Variants in ZHX2 observed in about 807,000 individuals in gnomAD.
The protein encoded by ZHX2 is zinc fingers and homeoboxes 2.
A neutral mutation model predicts 21.9 loss-of-function variants in ZHX2; 6 were observed. That is an observed-to-expected ratio of 0.27 (90% CI 0.15 to 0.54). The LOEUF (loss-of-function observed/expected upper bound fraction) is 0.54. ZHX2 is among the 20% of genes least tolerant of loss of function. The pLI, the probability that ZHX2 is intolerant of heterozygous loss-of-function variation, is 0.95. For synonymous variants in ZHX2, 434 were observed against 437.1 expected (o/e 0.99, Z 0.09); for missense variants, 908 against 1,090.7 (o/e 0.83, Z 2.36).
In ZHX2 at chr8:122,951,413, A is replaced by G; in HGVS notation, c.-98A>G. ...GGAAAGCCAAAGCCATTTGAGGGGG[A>G]ATAAAGCCAAAAGCCTTTCACCTTA... is the stretch of plus-strand genomic sequence containing the variant. On this transcript the variant is annotated 5_prime_UTR_variant, in exon 3 of 4. Coordinates refer to ENST00000314393, the MANE Select transcript of ZHX2 (RefSeq NM_014943.5). 9.2e-7 allele frequency: 1 copy of G among 1,088,538 alleles called. No homozygotes were observed. Among genetic ancestry groups the G allele is most frequent in the Non-Finnish European group, 1.3e-6 (1 of 771,084 alleles). 67.4% of individuals were successfully genotyped at this position (1,088,538 alleles called of 1,614,324 possible).
intron 2 of ZHX2, among the ~76,000 whole-genome samples, chr8:122,933,146 T>A (rs946012497): frequency 1.3e-5 from 2 of 152,190 alleles, no homozygotes; most frequent in Non-Finnish European, 2.9e-5. Flanking sequence ...TGAAAAGCCC[T>A]GTCTCGCCCT....
intron 2 of ZHX2, among the ~76,000 whole-genome samples, chr8:122,920,700 C>T (rs1820716227): frequency 1.3e-5 from 2 of 152,154 alleles, no homozygotes; most frequent in Admixed American, 6.5e-5. Context: ...GACTACCTGC[C>T]ACCCGGCAGG....
At position 122,974,282 on chromosome 8, in the gene ZHX2, G is replaced by C. The variant is rs117127698; in HGVS notation, c.*1045G>C. ...TTTTGGGACAATTTTAGATACCTGA[G>C]TGCACTTTTTCAGTTAGTCCTAACT... On this transcript the variant is annotated 3_prime_UTR_variant, in exon 4 of 4. Transcript: ENST00000314393. The C allele has an allele frequency of 3.9e-3, 595 of 152,456 alleles. 1 individual carries two copies. The highest frequency in any genetic ancestry group is 6.4e-3 in the Non-Finnish European group (437 of 68,004). The allele number at this position is 152,456 out of a possible 1,614,324, so 9.4% of individuals were successfully genotyped here.
intron 2 of ZHX2, among the ~76,000 whole-genome samples, chr8:122,910,766 A>T (rs1225241226): frequency 6.6e-6 from 1 of 152,072 alleles, no homozygotes; most frequent in Non-Finnish European, 1.5e-5. Context: ...TGAGGAATAC[A>T]GCCACTGACA....
intron 1 of ZHX2, among the ~76,000 whole-genome samples, chr8:122,794,345 C>T (rs1395133548): frequency 6.6e-6 from 1 of 151,898 alleles, no homozygotes; most frequent in Non-Finnish European, 1.5e-5. Context: ...TCATCTGTCA[C>T]CAATCTCTCC....
At chr8:122,954,282 A>G (rs1586422342) in intron 3 of ZHX2, among the ~76,000 whole-genome samples, 1 of 152,210 alleles carries the variant, frequency 6.6e-6, no homozygotes, top group South Asian at 2.1e-4. Context: ...TTGTAGTGGA[A>G]GGGTCTGGTT....
chr8:122,809,516 A>AG (rs369965658), intron 1 of ZHX2, among the ~76,000 whole-genome samples: 1 of 152,078 alleles, frequency 6.6e-6, no homozygotes, highest in Non-Finnish European at 1.5e-5. Flanking sequence ...ACAAAAAAAA[A>AG]GAGAGAAAGG....
chr8:122,909,314 T>C (rs1820420177), intron 2 of ZHX2, among the ~76,000 whole-genome samples: 1 of 151,776 alleles, frequency 6.6e-6, no homozygotes, highest in Non-Finnish European at 1.5e-5. Flanking sequence ...ATGCCTGTAG[T>C]CCCAGCTACT....
At chr8:122,794,362 C>G (rs1350136550) in intron 1 of ZHX2, among the ~76,000 whole-genome samples, 1 of 152,030 alleles carries the variant, frequency 6.6e-6, no homozygotes, top group East Asian at 1.9e-4. Flanking sequence ...CTCCCCTCCT[C>G]CATGCCACTG....
chr8:122,836,298 T>TA (rs2130694241), intron 1 of ZHX2, among the ~76,000 whole-genome samples: 1 of 152,238 alleles, frequency 6.6e-6, no homozygotes, highest in Non-Finnish European at 1.5e-5. Flanking sequence ...CGGGAAAACT[T>TA]ACCAGTAGGC....
intron 3 of ZHX2, among the ~76,000 whole-genome samples, chr8:122,960,984 C>T (rs1279138949): frequency 6.6e-6 from 1 of 152,252 alleles, no homozygotes; most frequent in African/African-American, 2.4e-5. Context: ...AGAGCACCCA[C>T]ATGCCTATAC....
At chr8:122,839,306 T>G (rs1470850938) in intron 1 of ZHX2, among the ~76,000 whole-genome samples, 2 of 152,164 alleles carry the variant, frequency 1.3e-5, no homozygotes, top group African/African-American at 2.4e-5. Context: ...CACCCCATCA[T>G]TCACTCACCC....
intron 1 of ZHX2, among the ~76,000 whole-genome samples, chr8:122,842,876 A>G (rs1444438794): frequency 1.3e-5 from 2 of 152,240 alleles, no homozygotes; most frequent in African/African-American, 2.4e-5. Flanking sequence ...CTCAGTGGGC[A>G]CTGAATCACC....
chr8:122,929,502 G>C (rs1415253364), intron 2 of ZHX2, among the ~76,000 whole-genome samples: 5 of 152,100 alleles, frequency 3.3e-5, no homozygotes, highest in Admixed American at 6.6e-5. Flanking sequence ...AATTAGCCAA[G>C]CATGGTGGTG....
At chr8:122,939,491 A>G (rs1357892218) in intron 2 of ZHX2, among the ~76,000 whole-genome samples, 1 of 152,198 alleles carries the variant, frequency 6.6e-6, no homozygotes, top group Admixed American at 6.5e-5. Context: ...CCCAAAGGGA[A>G]GGGGACCCAG....
chr8:122,836,920 T>G (rs1388393175), intron 1 of ZHX2, among the ~76,000 whole-genome samples: 3 of 152,060 alleles, frequency 2.0e-5, no homozygotes, highest in Non-Finnish European at 2.9e-5. Context: ...CAGGATGAGG[T>G]AGGAGGTCCG....
rs547179502 is a variant in ZHX2 at position 122,820,769 on chromosome 8, C to T, written c.-283+38823C>T. On this transcript the variant is annotated intron_variant, in intron 1 of 3. Coordinates refer to ENST00000314393, the MANE Select transcript of ZHX2 (RefSeq NM_014943.5). ...GATGGTTTTATGGGTGCTTTAGAGC[C>T]TTTAAAAATAATAAGAATAAAAATC... Among the ~76,000 whole-genome samples, 164 of 152,214 alleles carry T rather than the reference C, an allele frequency of 1.1e-3. 2 individuals carry two copies. Among genetic ancestry groups the T allele is most frequent in the East Asian group, 1.5e-3 (8 of 5,172 alleles).
chr8:122,848,778 G>C (rs1818814265), intron 1 of ZHX2, among the ~76,000 whole-genome samples: 1 of 152,246 alleles, frequency 6.6e-6, no homozygotes, highest in South Asian at 2.1e-4. Context: ...CAGCGGTTCT[G>C]AGGCCGGCAG....
chr8:122,851,968 C>T (rs1818912504), intron 1 of ZHX2, among the ~76,000 whole-genome samples: 1 of 152,214 alleles, frequency 6.6e-6, no homozygotes, highest in African/African-American at 2.4e-5. Flanking sequence ...CTTGCAACGT[C>T]TGAGCAGATC....
Sources: gnomAD v4.1 joint callset for allele counts (sites outside exome capture counted in the v4.1 genomes callset) on GRCh38, gnomAD v4.1.1 for gene constraint, MANE v1.5 for transcripts, NCBI Gene and HGNC (gene_info 2026-07-23, HGNC 2026-07-21) for gene names.